C2CD3: variants seen among roughly 807,000 people sequenced by gnomAD.
The protein encoded by C2CD3 is C2 domain containing 3 centriole elongation regulator.
A neutral mutation model predicts 234.0 loss-of-function variants in C2CD3; 148 were observed. That is an observed-to-expected ratio of 0.63 (90% CI 0.55 to 0.72). The LOEUF is 0.72. Ranked by LOEUF, C2CD3 falls within the 30% of genes least tolerant of loss-of-function variation. The probability of loss-of-function intolerance (pLI) is 0.00; values close to 1 mark genes in which losing one functional copy is unlikely to be tolerated. For missense variants in C2CD3, 2,577 were observed against 2,811.5 expected (o/e 0.92, Z 1.89); for synonymous variants, 1,000 against 1,035.4 (o/e 0.97, Z 0.66).
chr11:74,067,699 G>C (rs1320401892), intron 24 of C2CD3, among the ~76,000 whole-genome samples: 1 of 152,098 alleles, frequency 6.6e-6, no homozygotes, highest in Non-Finnish European at 1.5e-5. Context: ...TTTTATTTTA[G>C]TGAAACTGAA....
chr11:74,149,597 C>CTT (rs1159593570), intron 3 of C2CD3, among the ~76,000 whole-genome samples: 2 of 143,594 alleles, frequency 1.4e-5, no homozygotes. Context: ...TGTTTTGTAA[C>CTT]TTTTTTTTTT....
At chr11:74,095,079 T>C (rs1956057813) in intron 17 of C2CD3, 149 bp downstream of exon 17, 1 of 394,824 alleles carries the variant, frequency 2.5e-6, no homozygotes, top group Non-Finnish European at 4.4e-6. Context: ...AGTTAAAAAA[T>C]AAAAAAAACT....
chr11:74,153,480 A>G (rs1397158436), intron 3 of C2CD3, among the ~76,000 whole-genome samples: 1 of 152,236 alleles, frequency 6.6e-6, no homozygotes, highest in Non-Finnish European at 1.5e-5. Context: ...ATACTTTGGG[A>G]TAAATCAAAG....
intron 32 of C2CD3, 112 bp downstream of exon 32, chr11:74,028,175 C>A (rs1051948266): frequency 2.7e-6 from 2 of 743,820 alleles, no homozygotes; most frequent in South Asian, 1.8e-5. Flanking sequence ...AGGAGTGACC[C>A]CTGCTGCAGC....
chr11:74,108,498 G>A (rs1956618114), intron 12 of C2CD3, among the ~76,000 whole-genome samples: 1 of 152,140 alleles, frequency 6.6e-6, no homozygotes, highest in South Asian at 2.1e-4. Context: ...GGAATTAGTT[G>A]ATCAAAACTG....
At chr11:74,125,704 C>T (rs774358211) in intron 7 of C2CD3, among the ~76,000 whole-genome samples, 2 of 151,934 alleles carry the variant, frequency 1.3e-5, no homozygotes, top group Non-Finnish European at 2.9e-5. Context: ...CACCTTTTTT[C>T]TTATACAACT....
At chr11:74,051,966 A>C (rs1953712532) in intron 26 of C2CD3, among the ~76,000 whole-genome samples, 1 of 152,180 alleles carries the variant, frequency 6.6e-6, no homozygotes, top group South Asian at 2.1e-4. Context: ...GAAAAGATAG[A>C]ATTAACCCAT....
chr11:74,154,273 G>A (rs545446293), intron 3 of C2CD3, among the ~76,000 whole-genome samples: 82 of 152,022 alleles, frequency 5.4e-4, no homozygotes, highest in Admixed American at 9.2e-4. Context: ...TGATTTCATT[G>A]AAAGAAAAAC....
intron 3 of C2CD3, among the ~76,000 whole-genome samples, chr11:74,151,753 A>G (rs542460495): frequency 1.4e-4 from 22 of 152,360 alleles, no homozygotes; most frequent in Middle Eastern, 3.4e-3. Context: ...CAATTAATCA[A>G]TAGAAACAGA....
At position 74,078,405 on chromosome 11, in the gene C2CD3, C is replaced by T. The variant is rs774090141; in HGVS notation, c.4313G>A (p.Arg1438His). The T allele has an allele frequency of 1.1e-5, 17 of 1,614,046 alleles. No individual in the cohort carries two copies. Among genetic ancestry groups the T allele is most frequent in the East Asian group, 8.9e-5 (4 of 44,902 alleles). Residue 1438 changes from arginine to histidine, a missense_variant, in exon 23 of 33, where the codon CGC (arginine) becomes CAC (histidine). Transcript: ENST00000334126. ...GGCTTCATGATCATAGAACTTGTAGCGAAGGTAGCAATATGTATTCTTATG... is the reference window on the plus strand; with the variant it reads ...GGCTTCATGATCATAGAACTTGTAGTGAAGGTAGCAATATGTATTCTTATG... ...HIHKNTYCYL[R>H]YKFYDHEAFW... is the part of the protein sequence containing the mutation.
At chr11:74,128,233 T>C (rs1957482668) in intron 7 of C2CD3, among the ~76,000 whole-genome samples, 2 of 152,214 alleles carry the variant, frequency 1.3e-5, no homozygotes, top group South Asian at 4.1e-4. Flanking sequence ...TTTAATTGGA[T>C]TATTTGTTCC....
rs781081714 is a variant in C2CD3 at position 74,098,220 on chromosome 11, T to C, written c.2768A>G (p.Gln923Arg). Reference protein sequence around the residue: ...AKISRLLLDAQYPVVAVDSYM... With the variant: ...AKISRLLLDARYPVVAVDSYM... ...GCTGTCGACAGCAACAACTGGGTACTGGGCATCCAGCAGCAGGCGAGAAAT... is the reference window on the plus strand; with the variant it reads ...GCTGTCGACAGCAACAACTGGGTACCGGGCATCCAGCAGCAGGCGAGAAAT... Residue 923 changes from glutamine (Q) to arginine (R), a missense_variant, in exon 16 of 33, where the codon CAG (glutamine) becomes CGG (arginine). Transcript: ENST00000334126. 2 of 1,614,098 alleles carry C rather than the reference T, an allele frequency of 1.2e-6. No homozygotes were observed. The highest frequency in any genetic ancestry group is 1.7e-6 in the Non-Finnish European group (2 of 1,179,954).
chr11:74,074,296 T>C lies in C2CD3; in HGVS notation c.4908A>G (p.Ala1636=). 6.2e-7 allele frequency: 1 copy of C among 1,614,212 alleles called. No homozygotes were observed. Among genetic ancestry groups the C allele is most frequent in the Admixed American group, 1.7e-5 (1 of 60,032 alleles). Residue 1636 remains alanine, a synonymous_variant, in exon 24 of 33, where the codon GCA becomes GCG. Coordinates refer to ENST00000334126, the MANE Select transcript of C2CD3 (RefSeq NM_001286577.2). ...TTGCTCTTTCTACTAGGATGCTGAC[T>C]GCAAACGTTCCATCCAAATCAGCAG... ...EGPADLDGTF[A]VSILVERAMH...
chr11:74,133,568 T>C lies in C2CD3; in HGVS notation c.956-11A>G. On this transcript the variant is annotated splice_polypyrimidine_tract_variant and intron_variant, in intron 5 of 32. Transcript: ENST00000334126. ...CTTGTTCTAACAGAGCTGAAGAGGG[T>C]AAATGCAGAAAACAGAAAAATCCAA... 1 of 1,613,536 alleles carries C rather than the reference T, an allele frequency of 6.2e-7. No homozygotes were observed.
chr11:74,092,420 T>G lies in C2CD3; in HGVS notation c.3513A>C (p.Ser1171=), dbSNP rs779934589. The stretch of plus-strand genomic sequence containing the variant: ...GACAAACTTGTTTTCAATTACCTGA[T>G]GACTGGTTCCTCAATTCTTTCCTGT... The part of the protein sequence containing the change: ...IENRKELRNQ[S]SGLLDVGLRY... The change falls in exon 19 of 33, where the codon TCA becomes TCC. Residue 1171 remains serine (S), a synonymous_variant. Coordinates refer to ENST00000334126, the MANE Select transcript of C2CD3 (RefSeq NM_001286577.2). 6.2e-7 allele frequency: 1 copy of G among 1,613,160 alleles called. No individual in the cohort carries two copies. The highest frequency in any genetic ancestry group is 1.1e-5 in the South Asian group (1 of 91,002).
rs1016088785 is a variant in C2CD3, at chr11:74,012,800, A to G, written c.*585T>C. 1.3e-5 allele frequency: 2 copies of G among 152,236 alleles called. No individual in the cohort carries two copies. Among genetic ancestry groups the G allele is most frequent in the Non-Finnish European group, 2.9e-5 (2 of 68,036 alleles). The allele number at this position is 152,236 out of a possible 1,614,324, so 9.4% of individuals were successfully genotyped here. A position where few individuals can be genotyped will look rare whatever the true frequency, so the allele number is the denominator to read the frequency against. The stretch of plus-strand genomic sequence containing the variant: ...TGGGTAAAAATAATAAGTTAAAAGC[A>G]TGGTTAGAATTTTAGACAATCAGAT... On this transcript the variant is annotated 3_prime_UTR_variant, in exon 33 of 33. Transcript: ENST00000334126.
At chr11:74,039,139 A>G (rs1323633130) in intron 29 of C2CD3, among the ~76,000 whole-genome samples, 6 of 152,236 alleles carry the variant, frequency 3.9e-5, no homozygotes, top group African/African-American at 1.4e-4. Context: ...CAGGAGGAAC[A>G]TGCAAACAAA....
intron 32 of C2CD3, among the ~76,000 whole-genome samples, chr11:74,017,502 C>T (rs1951921482): frequency 6.6e-6 from 1 of 152,140 alleles, no homozygotes; most frequent in Admixed American, 6.5e-5. Context: ...GAAAATGGAG[C>T]ACGTGGAAGG....
chr11:74,078,772 A>T, intron 22 of C2CD3, 55 bp from the exon 23 acceptor site: 1 of 1,487,586 alleles, frequency 6.7e-7, no homozygotes. Flanking sequence ...AACAAAAAAC[A>T]AGTTACTTAC....
Sources: allele counts gnomAD v4.1 joint callset (sites outside exome capture counted in the v4.1 genomes callset), GRCh38; gene constraint gnomAD v4.1.1; transcripts MANE v1.5; gene names NCBI Gene and HGNC (gene_info 2026-07-23, HGNC 2026-07-21).